NFATC2IP: variants seen among roughly 807,000 people sequenced by gnomAD.
NFATC2IP encodes the protein NFATC2-interacting protein.
In NFATC2IP, 25 loss-of-function variants were observed where a neutral mutation model predicts 40.2. That is an observed-to-expected ratio of 0.62 (90% CI 0.45 to 0.87). NFATC2IP has a LOEUF of 0.87. Ranked by LOEUF, NFATC2IP falls within the 40% of genes least tolerant of loss-of-function variation. NFATC2IP has a pLI of 0.00. For synonymous variants in NFATC2IP, 241 were observed against 236.3 expected, an observed-to-expected ratio of 1.02 and a Z score of -0.18; for missense variants, 553 against 555.6, an observed-to-expected ratio of 1.00 and a Z score of 0.05.
intron 2 of NFATC2IP, among the ~76,000 whole-genome samples, chr16:28,954,191 G>C (rs1038504740): frequency 8.5e-5 from 13 of 152,088 alleles, no homozygotes; most frequent in African/African-American, 2.9e-4. Flanking sequence ...AGGCAAAATT[G>C]TCCCTGGTTC....
intron 7 of NFATC2IP, among the ~76,000 whole-genome samples, chr16:28,959,622 C>G (rs566908071): frequency 4.3e-5 from 6 of 139,774 alleles, no homozygotes; most frequent in South Asian, 2.3e-4. Context: ...GTCGCCCAGG[C>G]TGAAGTCTGG....
rs114274049 is a variant in NFATC2IP at position 28,956,062 on chromosome 16, C to A, written c.659+4C>A. The A allele has an allele frequency of 3.6e-4, 579 of 1,613,946 alleles. 4 individuals are homozygous for A. The African/African-American group carries it at 6.7e-3, about 19-fold the overall frequency. On this transcript the variant is annotated splice_donor_region_variant and intron_variant, in intron 4 of 7. Transcript: ENST00000320805. Reference sequence around the variant, plus strand: ...CTCGGGCACTCAAGAAGTTAAGGTGCCAAGTGCAGGGGCTCTGGCTGGGAT... The same window carrying A: ...CTCGGGCACTCAAGAAGTTAAGGTGACAAGTGCAGGGGCTCTGGCTGGGAT...
chr16:28,955,046 T>C (rs1412593154), intron 3 of NFATC2IP, among the ~76,000 whole-genome samples: 2 of 151,776 alleles, frequency 1.3e-5, no homozygotes, highest in African/African-American at 2.4e-5. Flanking sequence ...AAAAAAAAAT[T>C]AGCCTGGCAT....
rs779910683 is a variant in NFATC2IP at position 28,958,762 on chromosome 16, G to C, written c.892G>C (p.Gly298Arg). 2.5e-6 allele frequency: 4 copies of C among 1,613,468 alleles called. No individual in the cohort carries two copies. The highest frequency in any genetic ancestry group is 3.4e-6 in the Non-Finnish European group (4 of 1,179,522). ...GGTGGACCACATGGCCACCCACCTT[G>C]GGGTGTCCCCAAGCAGGATCCTTTT... ...SVVDHMATHL[G>R]VSPSRILLLF... The change falls in exon 6 of 8, where the codon GGG (glycine) becomes CGG (arginine). Residue 298 changes from glycine (G) to arginine (R), a missense_variant. By Grantham distance (125) the Gly-to-Arg change is moderately radical. Transcript: ENST00000320805.
chr16:28,952,927 G>T lies in NFATC2IP; in HGVS notation c.460+723G>T, dbSNP rs983817954. ...TTTTTTGTATTTTTAATAGAGATGG[G>T]GTTTCACCATGTTGGCCTGGCTGGT... On this transcript the variant is annotated intron_variant, in intron 2 of 7. Coordinates refer to ENST00000320805, the MANE Select transcript of NFATC2IP (RefSeq NM_032815.4). Among the ~76,000 whole-genome samples the T allele has an allele frequency of 3.3e-5, 5 of 152,080 alleles. No homozygotes were observed. The East Asian group carries it at 7.7e-4, about 24-fold the overall frequency.
rs545924626 is a variant in NFATC2IP, at chr16:28,955,739, C to T, written c.579-239C>T. On this transcript the variant is annotated intron_variant, in intron 3 of 7. Coordinates refer to ENST00000320805, the MANE Select transcript of NFATC2IP (RefSeq NM_032815.4). Reference sequence around the variant, plus strand: ...TCAGCCTCCTGAGTAGCTGGGACTACAGCTGTGTTCTACTATGCCTGGCTA... The same window carrying T: ...TCAGCCTCCTGAGTAGCTGGGACTATAGCTGTGTTCTACTATGCCTGGCTA... 8.3e-4 allele frequency among the ~76,000 whole-genome samples: 126 copies of T among 152,230 alleles called. 1 individual carries two copies. Among genetic ancestry groups the T allele is most frequent in the African/African-American group, 2.9e-3 (122 of 41,548 alleles).
intron 5 of NFATC2IP, among the ~76,000 whole-genome samples, chr16:28,958,215 C>T (rs1223170902): frequency 6.6e-6 from 1 of 151,780 alleles, no homozygotes; most frequent in East Asian, 1.9e-4. Context: ...TTTGGGAGGC[C>T]GAGGCAGGTG....
At chr16:28,959,324 G>A (rs1338335356) in intron 7 of NFATC2IP, among the ~76,000 whole-genome samples, 10 of 151,980 alleles carry the variant, frequency 6.6e-5, no homozygotes, top group African/African-American at 2.2e-4. Flanking sequence ...GTGCTCCCTC[G>A]GTCTCCTGAC....
chr16:28,958,464 GAATTCCAGTTTGCTGC>G (rs1965045718), intron 5 of NFATC2IP: 1 of 401,992 alleles, frequency 2.5e-6, no homozygotes, highest in African/African-American at 2.1e-5. Flanking sequence ...GGTGGCATGT[GAATTCCAGTTTGCTGC>G]AATCCCCACC....
At chr16:28,959,121 T>C in intron 7 of NFATC2IP, 21 bp downstream of exon 7, 3 of 1,415,986 alleles carry the variant, frequency 2.1e-6, no homozygotes, top group Non-Finnish European at 3.0e-6. Flanking sequence ...GAGATGGCTC[T>C]CCACGCCCCT....
chr16:28,953,701 T>C (rs1357840087), intron 2 of NFATC2IP, among the ~76,000 whole-genome samples: 1 of 152,046 alleles, frequency 6.6e-6, no homozygotes, highest in Admixed American at 6.6e-5. Flanking sequence ...GAGGATTGCT[T>C]GAGCCCAGGA....
At position 28,963,915 on chromosome 16, in the gene NFATC2IP, C is replaced by T. The variant is rs749498424; in HGVS notation, c.*52C>T. On this transcript the variant is annotated 3_prime_UTR_variant, in exon 8 of 8. Transcript: ENST00000320805. ...GCCTGGACTTGGGGAGAATGACTTTCCCTTTTTTGCCCCATAAGGGCTAGC... is the reference window on the plus strand; with the variant it reads ...GCCTGGACTTGGGGAGAATGACTTTTCCTTTTTTGCCCCATAAGGGCTAGC... 2 of 1,563,856 alleles carry T rather than the reference C, an allele frequency of 1.3e-6. No homozygotes were observed. Among genetic ancestry groups the T allele is most frequent in the South Asian group, 1.1e-5 (1 of 89,276 alleles).
chr16:28,952,082 G>A, intron 1 of NFATC2IP, 50 bp from the exon 2 acceptor site: 1 of 1,605,378 alleles, frequency 6.2e-7, no homozygotes, highest in Non-Finnish European at 8.5e-7. Flanking sequence ...TTTTTCTTTC[G>A]GTAGGGGAAG....
At position 28,966,587 on chromosome 16, in the gene NFATC2IP, CAAAAAAAA is replaced by C. The variant is rs59070168; in HGVS notation, c.*2738_*2745del. The C allele has an allele frequency of 2.9e-3, 238 of 81,352 alleles. 3 individuals are homozygous for C. Among genetic ancestry groups the C allele is most frequent in the African/African-American group, 0.011 (220 of 19,990 alleles). The allele number at this position is 81,352 out of a possible 1,614,324, so 5.0% of individuals were successfully genotyped here. A position where few individuals can be genotyped will look rare whatever the true frequency, so the allele number is the denominator to read the frequency against. Reference sequence around the variant, plus strand: ...TGAAACCTTGTCTCTACTGAAAATACAAAAAAAAAAAAAAAAAAAAATGAGCTAGGTGT... The same window carrying C: ...TGAAACCTTGTCTCTACTGAAAATACAAAAAAAAAAAAATGAGCTAGGTGT... On this transcript the variant is annotated 3_prime_UTR_variant, in exon 8 of 8. Transcript: ENST00000320805.
chr16:28,958,800 G>A lies in NFATC2IP; in HGVS notation c.930G>A (p.Glu310=). 1 of 1,614,132 alleles carries A rather than the reference G, an allele frequency of 6.2e-7. No individual in the cohort carries two copies. The highest frequency in any genetic ancestry group is 8.5e-7 in the Non-Finnish European group (1 of 1,180,010). ...GCAGGATCCTTTTGCTTTTTGGAGA[G>A]ACAGAGCTATCACCTACTGCCACTC... ...SPSRILLLFG[E]TELSPTATPR... Residue 310 remains glutamate (E), a synonymous_variant, in exon 6 of 8, where the codon GAG becomes GAA. Coordinates refer to ENST00000320805, the MANE Select transcript of NFATC2IP (RefSeq NM_032815.4).
chr16:28,955,730 C>G (rs1013927858), intron 3 of NFATC2IP, among the ~76,000 whole-genome samples: 1 of 152,124 alleles, frequency 6.6e-6, no homozygotes, highest in Non-Finnish European at 1.5e-5. Context: ...TCCTGAGTAG[C>G]TGGGACTACA....
In NFATC2IP at chr16:28,964,054, T is replaced by G. The variant is rs1484847723; in HGVS notation, c.*191T>G. 3 of 590,846 alleles carry G rather than the reference T, an allele frequency of 5.1e-6. No individual in the cohort carries two copies. The highest frequency in any genetic ancestry group is 8.9e-6 in the Non-Finnish European group (3 of 335,908). 36.6% of individuals were successfully genotyped at this position (590,846 alleles called of 1,614,324 possible). ...TTAACCACTTGGTGAGTTATGTGGG[T>G]GTTGTTGCCCTGGGTGGCCTGTGGC... On this transcript the variant is annotated 3_prime_UTR_variant, in exon 8 of 8. Transcript: ENST00000320805.
chr16:28,957,841 C>T (rs1028700281), intron 5 of NFATC2IP: 7 of 152,002 alleles, frequency 4.6e-5, no homozygotes, highest in African/African-American at 1.7e-4. Context: ...TACAAAGGTC[C>T]AGATTTCTGG....
At chr16:28,956,767 G>A (rs532263141) in intron 5 of NFATC2IP, 2 of 173,354 alleles carry the variant, frequency 1.2e-5, no homozygotes, top group South Asian at 2.7e-4. Context: ...AGGAACCTGG[G>A]CTTCCCTCCT....
Sources: gnomAD v4.1 joint callset for allele counts (sites outside exome capture counted in the v4.1 genomes callset) on GRCh38, gnomAD v4.1.1 for gene constraint, MANE v1.5 for transcripts, NCBI Gene and HGNC (gene_info 2026-07-23, HGNC 2026-07-21) for gene names.